ANXA8: variants seen among roughly 807,000 people sequenced by gnomAD.
The protein encoded by ANXA8 is VAC-beta.
ANXA8 carries 9 observed loss-of-function variants against 26.8 expected under a neutral mutation model. The observed-to-expected ratio is 0.34, with a 90% CI of 0.20 to 0.59. The LOEUF is 0.59. ANXA8 is among the 20% of genes least tolerant of loss of function. The pLI is 0.84. For synonymous variants in ANXA8, 39 were observed against 94.8 expected (o/e 0.41, Z 3.42); for missense variants, 83 against 238.5 (o/e 0.35, Z 4.29).
At chr10:47,636,705 TCAA>T in the ANXA8 span, among the ~76,000 whole-genome samples, 4 of 152,102 alleles carry the variant, frequency 2.6e-5, no homozygotes, top group Non-Finnish European at 5.9e-5. Context: ...CGAAGGACCT[TCAA>T]CAACAAATGC....
chr10:47,710,597 A>AT, the ANXA8 span: 1 of 1,468,516 alleles, frequency 6.8e-7, no homozygotes, highest in Non-Finnish European at 9.3e-7. Flanking sequence ...GTATACAGTT[A>AT]TAGAGGACAG....
the ANXA8 span, chr10:47,691,044 T>C: frequency 8.7e-6 from 14 of 1,610,566 alleles, no homozygotes; most frequent in Non-Finnish European, 1.2e-5. Context: ...TGTTTAGTCA[T>C]GGTGCTATCT....
At chr10:47,676,543 G>A in the ANXA8 span, among the ~76,000 whole-genome samples, 2 of 151,824 alleles carry the variant, frequency 1.3e-5, no homozygotes, top group Non-Finnish European at 2.9e-5. Context: ...AGAAAAAAAT[G>A]GAGTCTTAGC....
chr10:47,606,679 G>A, the ANXA8 span, among the ~76,000 whole-genome samples: 2 of 148,380 alleles, frequency 1.3e-5, no homozygotes, highest in Non-Finnish European at 3.0e-5. Context: ...GACACATAGA[G>A]TGGGGGACAA....
chr10:47,650,464 T>C, the ANXA8 span, among the ~76,000 whole-genome samples: 16 of 151,816 alleles, frequency 1.1e-4, no homozygotes, highest in Non-Finnish European at 8.8e-5. Context: ...ATTTAGAATA[T>C]GTAAAGAACT....
the ANXA8 span, among the ~76,000 whole-genome samples, chr10:47,948,071 T>C: frequency 1.3e-5 from 2 of 149,600 alleles, no homozygotes; most frequent in Non-Finnish European, 3.0e-5. Context: ...CTAAATAAAG[T>C]CTAATCTAAC....
chr10:47,543,870 A>G, the ANXA8 span, among the ~76,000 whole-genome samples: 1 of 139,546 alleles, frequency 7.2e-6, no homozygotes, highest in African/African-American at 2.8e-5. Context: ...AGTGACATTC[A>G]TTCCATAAGA....
chr10:47,613,237 C>T, the ANXA8 span, among the ~76,000 whole-genome samples: 17,974 of 134,930 alleles, frequency 0.13, 7 homozygotes, highest in East Asian at 0.33. Context: ...GCATATAATA[C>T]ATGAAGCTTT....
chr10:47,692,466 G>A, the ANXA8 span: 7 of 26,926 alleles, frequency 2.6e-4, no homozygotes, highest in African/African-American at 7.7e-4. Flanking sequence ...TCCTCCTGCC[G>A]CAGCCTCCCA....
the ANXA8 span, among the ~76,000 whole-genome samples, chr10:47,677,233 A>G: frequency 1.3e-5 from 2 of 151,972 alleles, no homozygotes; most frequent in Admixed American, 1.3e-4. Context: ...ATACTGTCAT[A>G]CATTTCTTAC....
the ANXA8 span, among the ~76,000 whole-genome samples, chr10:47,621,525 C>T: frequency 8.9e-6 from 1 of 112,000 alleles, no homozygotes; most frequent in Non-Finnish European, 1.9e-5. Context: ...TCATAAAATG[C>T]TAATTTCTCT....
chr10:47,762,204 C>A, the ANXA8 span, among the ~76,000 whole-genome samples: 1 of 151,808 alleles, frequency 6.6e-6, no homozygotes, highest in Admixed American at 6.6e-5. Context: ...GGAGTTGGTG[C>A]GACGCGGTGG....
the ANXA8 span, among the ~76,000 whole-genome samples, chr10:47,560,959 T>C: frequency 6.6e-6 from 1 of 151,440 alleles, no homozygotes; most frequent in Non-Finnish European, 1.5e-5. Flanking sequence ...TACGGGCACA[T>C]GCCCCCACAC....
chr10:47,626,976 C>T, the ANXA8 span, among the ~76,000 whole-genome samples: 5 of 149,266 alleles, frequency 3.3e-5, no homozygotes, highest in East Asian at 1.9e-4. Context: ...TCGTAGTGTA[C>T]GTGATTAAGA....
the ANXA8 span, among the ~76,000 whole-genome samples, chr10:47,557,839 A>G: frequency 1.8e-3 from 278 of 151,318 alleles, 4 homozygotes; most frequent in African/African-American, 6.4e-3. Flanking sequence ...TCAGCTAGGA[A>G]AAGGAAGAAA....
At chr10:47,715,275 G>A in the ANXA8 span, among the ~76,000 whole-genome samples, 1 of 56,046 alleles carries the variant, frequency 1.8e-5, no homozygotes, top group East Asian at 4.5e-4. Context: ...GCGAAACCCT[G>A]TCTCTACTAA....
chr10:47,502,215 G>T, the ANXA8 span: 1 of 1,560,440 alleles, frequency 6.4e-7, no homozygotes, highest in Non-Finnish European at 8.7e-7. Context: ...GCTGCTCCAG[G>T]ACCACATTCC....
chr10:47,618,465 CT>C, the ANXA8 span, among the ~76,000 whole-genome samples: 15 of 109,820 alleles, frequency 1.4e-4, 4 homozygotes, highest in African/African-American at 4.6e-4. Context: ...TATTTGGCAT[CT>C]TTTTTTTAAT....
the ANXA8 span, among the ~76,000 whole-genome samples, chr10:47,632,343 T>C: frequency 2.0e-5 from 3 of 150,438 alleles, no homozygotes; most frequent in African/African-American, 7.5e-5. Flanking sequence ...CTTAACTTGA[T>C]CCTACTTTTG....
Sources: allele counts gnomAD v4.1 joint callset (sites outside exome capture counted in the v4.1 genomes callset), GRCh38; gene constraint gnomAD v4.1.1; transcripts MANE v1.5; gene names NCBI Gene and HGNC (gene_info 2026-07-23, HGNC 2026-07-21).